Variants in CTTNBP2 observed in about 807,000 individuals in gnomAD.
CTTNBP2 encodes the protein cortactin-binding protein 2.
Under a neutral mutation model 156.9 loss-of-function variants are expected in CTTNBP2, and 108 were observed. That is an observed-to-expected ratio of 0.69 (90% CI 0.59 to 0.81). The LOEUF is 0.81. CTTNBP2 is among the 30% of genes least tolerant of loss of function. The pLI, the probability that CTTNBP2 is intolerant of heterozygous loss-of-function variation, is 0.00. For synonymous variants in CTTNBP2, 767 were observed against 751.8 expected (o/e 1.02, Z -0.33); for missense variants, 1,924 against 2,035.4 (o/e 0.95, Z 1.05).
At chr7:117,834,229 AT>A (rs1293865693) in intron 2 of CTTNBP2, among the ~76,000 whole-genome samples, 1 of 151,982 alleles carries the variant, frequency 6.6e-6, no homozygotes, top group Non-Finnish European at 1.5e-5. Context: ...TAATTTTTGT[AT>A]TTTTAGTAGA....
At chr7:117,822,314 T>A (rs1005561557) in intron 2 of CTTNBP2, among the ~76,000 whole-genome samples, 1 of 152,172 alleles carries the variant, frequency 6.6e-6, no homozygotes, top group Non-Finnish European at 1.5e-5. Flanking sequence ...ATTTTGTTGA[T>A]CTTTTCAATG....
chr7:117,760,415 C>A lies in CTTNBP2; in HGVS notation c.3172+20G>T, dbSNP rs375496659. 2 of 1,598,780 alleles carry A rather than the reference C, an allele frequency of 1.3e-6. No homozygotes were observed. The highest frequency in any genetic ancestry group is 1.1e-5 in the South Asian group (1 of 90,380). On this transcript the variant is annotated intron_variant, in intron 10 of 22. Coordinates refer to ENST00000160373, the MANE Select transcript of CTTNBP2 (RefSeq NM_033427.3). Reference sequence around the variant, plus strand: ...AAACCCAGAAATTTCACTTTCTCTCCGTCATAGGACTGCTGATACCTAGCG... The same window carrying A: ...AAACCCAGAAATTTCACTTTCTCTCAGTCATAGGACTGCTGATACCTAGCG...
intron 2 of CTTNBP2, among the ~76,000 whole-genome samples, chr7:117,846,322 TA>T (rs528147867): frequency 0.018 from 2,753 of 152,050 alleles, 33 homozygotes; most frequent in Non-Finnish European, 0.026. Context: ...AAATGCTTGA[TA>T]AAAAAAATGA....
rs1798901193 is a variant in CTTNBP2 at position 117,789,925 on chromosome 7, C to G, written c.2068+1203G>C. On this transcript the variant is annotated intron_variant, in intron 4 of 22. Coordinates refer to ENST00000160373, the MANE Select transcript of CTTNBP2 (RefSeq NM_033427.3). The stretch of plus-strand genomic sequence containing the variant: ...TTCGCCCCTCAAAATATGGATAAAG[C>G]CTCTCAAAGACCTTAATTTCAAGTT... 2.0e-5 allele frequency among the ~76,000 whole-genome samples: 3 copies of G among 152,124 alleles called. No homozygotes were observed. The South Asian group carries it at 6.2e-4, about 32-fold the overall frequency.
chr7:117,816,605 A>C (rs1347049081), intron 2 of CTTNBP2, among the ~76,000 whole-genome samples: 1 of 152,166 alleles, frequency 6.6e-6, no homozygotes, highest in Non-Finnish European at 1.5e-5. Flanking sequence ...AACATCTGTA[A>C]TGAAACATAT....
chr7:117,762,783 C>G (rs1797281002), intron 9 of CTTNBP2, among the ~76,000 whole-genome samples: 2 of 152,206 alleles, frequency 1.3e-5, no homozygotes, highest in South Asian at 4.1e-4. Context: ...ACGCTCCACC[C>G]TGTAACTGCT....
At chr7:117,729,879 T>C (rs1472285870) in intron 16 of CTTNBP2, among the ~76,000 whole-genome samples, 1 of 152,102 alleles carries the variant, frequency 6.6e-6, no homozygotes, top group Non-Finnish European at 1.5e-5. Context: ...TCTCACAGGA[T>C]GTCCAGGACA....
intron 14 of CTTNBP2, among the ~76,000 whole-genome samples, chr7:117,738,817 T>C (rs1045276307): frequency 1.3e-5 from 2 of 151,414 alleles, no homozygotes; most frequent in South Asian, 2.1e-4. Context: ...AATAAATGAG[T>C]TTTCAGGCAT....
At position 117,773,463 on chromosome 7, in the gene CTTNBP2, T is replaced by C. The variant is rs552301017; in HGVS notation, c.2778+4048A>G. ...CCACCTGATCAGAGGACAGTGGGAC[T>C]GCCCAGAGATGACCTCCAGGATGCT... On this transcript the variant is annotated intron_variant, in intron 8 of 22. Transcript: ENST00000160373. Among the ~76,000 whole-genome samples, 4 of 152,268 alleles carry C rather than the reference T, an allele frequency of 2.6e-5. No individual in the cohort carries two copies. The East Asian group carries it at 7.7e-4, about 29-fold the overall frequency.
intron 8 of CTTNBP2, among the ~76,000 whole-genome samples, chr7:117,767,591 G>A (rs931070536): frequency 1.3e-5 from 2 of 152,120 alleles, no homozygotes; most frequent in Non-Finnish European, 2.9e-5. Flanking sequence ...ACTATAAATG[G>A]CTTTCCTGGT....
intron 2 of CTTNBP2, among the ~76,000 whole-genome samples, chr7:117,823,028 T>C (rs1584493270): frequency 6.6e-6 from 1 of 152,364 alleles, no homozygotes; most frequent in East Asian, 1.9e-4. Flanking sequence ...CATAAACACT[T>C]ATGTCTTTGT....
At chr7:117,795,482 C>T (rs1364776646) in intron 3 of CTTNBP2, among the ~76,000 whole-genome samples, 1 of 152,066 alleles carries the variant, frequency 6.6e-6, no homozygotes, top group Non-Finnish European at 1.5e-5. Flanking sequence ...TTAAGAGCTA[C>T]CTTCATTTTT....
At chr7:117,846,572 GA>G (rs948095319) in intron 2 of CTTNBP2, among the ~76,000 whole-genome samples, 13 of 148,288 alleles carry the variant, frequency 8.8e-5, no homozygotes, top group Admixed American at 2.7e-4. Context: ...AAAGAAAAAA[GA>G]AAAAAAAAGA....
At chr7:117,855,070 C>T (rs1441880003) in intron 2 of CTTNBP2, among the ~76,000 whole-genome samples, 2 of 152,018 alleles carry the variant, frequency 1.3e-5, no homozygotes, top group African/African-American at 4.8e-5. Context: ...CAGGCATGAG[C>T]CACCAAGCCC....
intron 2 of CTTNBP2, among the ~76,000 whole-genome samples, chr7:117,815,480 C>T (rs895573175): frequency 6.6e-6 from 1 of 152,050 alleles, no homozygotes; most frequent in South Asian, 2.1e-4. Flanking sequence ...ATATATCCTA[C>T]CCCCAGTGGA....
chr7:117,810,379 A>G (rs187259154), intron 3 of CTTNBP2, among the ~76,000 whole-genome samples: 72 of 152,374 alleles, frequency 4.7e-4, no homozygotes, highest in African/African-American at 1.7e-3. Flanking sequence ...GAAGCTAGAT[A>G]CAGTAAGTTG....
At chr7:117,718,254 T>C (rs754839189) in intron 21 of CTTNBP2, 135 bp from the exon 22 acceptor site, 3 of 478,948 alleles carry the variant, frequency 6.3e-6, no homozygotes, top group Non-Finnish European at 1.1e-5. Flanking sequence ...TCCTGAACTG[T>C]TCACATGAAA....
chr7:117,856,215 A>C (rs928780014), intron 2 of CTTNBP2, among the ~76,000 whole-genome samples: 1 of 152,196 alleles, frequency 6.6e-6, no homozygotes, highest in Non-Finnish European at 1.5e-5. Context: ...CACTCTGCAG[A>C]AGAAAGACCA....
In CTTNBP2 at chr7:117,795,765, C is replaced by T. The variant is rs1391107857; in HGVS notation, c.415-2984G>A. Among the ~76,000 whole-genome samples the T allele has an allele frequency of 2.6e-5, 4 of 152,266 alleles. No homozygotes were observed. The East Asian group carries it at 7.7e-4, about 29-fold the overall frequency. On this transcript the variant is annotated intron_variant, in intron 3 of 22. Coordinates refer to ENST00000160373, the MANE Select transcript of CTTNBP2 (RefSeq NM_033427.3). ...ATCTGTAATTCTTTTCTATCTTTGT[C>T]CTCCATCACTTGTGCTTTGTAAATC...
Sources: gnomAD v4.1 joint callset for allele counts (sites outside exome capture counted in the v4.1 genomes callset) on GRCh38, gnomAD v4.1.1 for gene constraint, MANE v1.5 for transcripts, NCBI Gene and HGNC (gene_info 2026-07-23, HGNC 2026-07-21) for gene names.